LUZP2: variants seen among roughly 807,000 people sequenced by gnomAD.
LUZP2 encodes the protein leucine zipper protein 2.
Under a neutral mutation model 51.6 loss-of-function variants are expected in LUZP2, and 52 were observed. The observed-to-expected ratio is 1.01, with a 90% confidence interval of 0.81 to 1.27. The LOEUF is 1.27. Ranked by LOEUF, LUZP2 falls within the 50% of genes most tolerant of loss-of-function variation. LUZP2 has a pLI of 0.00. For synonymous variants in LUZP2, 154 were observed against 137.3 expected (o/e 1.12, Z -0.85); for missense variants, 436 against 395.4 (o/e 1.10, Z -0.87).
intron 7 of LUZP2, among the ~76,000 whole-genome samples, chr11:24,918,011 T>A (rs1313905792): frequency 6.6e-6 from 1 of 152,066 alleles, no homozygotes; most frequent in Non-Finnish European, 1.5e-5. Context: ...TTTATTTCGT[T>A]GAGCAGTGGT....
chr11:24,948,659 A>C (rs1854970526), intron 7 of LUZP2, among the ~76,000 whole-genome samples: 1 of 151,714 alleles, frequency 6.6e-6, no homozygotes, highest in African/African-American at 2.4e-5. Context: ...AGACAGTATA[A>C]CTCATGGGTT....
chr11:24,856,020 A>T (rs1851554550), intron 5 of LUZP2, among the ~76,000 whole-genome samples: 1 of 152,162 alleles, frequency 6.6e-6, no homozygotes, highest in African/African-American at 2.4e-5. Flanking sequence ...GAAATCCAGG[A>T]AAACTCCTTT....
intron 7 of LUZP2, among the ~76,000 whole-genome samples, chr11:24,927,649 G>A (rs1309047799): frequency 6.6e-6 from 1 of 152,078 alleles, no homozygotes; most frequent in Non-Finnish European, 1.5e-5. Context: ...TGGCCTTAGA[G>A]TATAGTTTGA....
At position 24,666,831 on chromosome 11, in the gene LUZP2, C is replaced by T. The variant is rs77867293; in HGVS notation, c.63-62338C>T. ...ATGAAGGATTGTTTTAGCCCAAAAC[C>T]CAAAACTAAAGAAAAACCAGGATCT... On this transcript the variant is annotated intron_variant, in intron 1 of 11. Coordinates refer to ENST00000336930, the MANE Select transcript of LUZP2 (RefSeq NM_001009909.4). Among the ~76,000 whole-genome samples, 1,325 of 152,090 alleles carry T rather than the reference C, an allele frequency of 8.7e-3. 16 individuals are homozygous for T. Among genetic ancestry groups the T allele is most frequent in the African/African-American group, 0.03 (1,243 of 41,484 alleles).
chr11:24,602,206 G>GTGTATA (rs1853723059), intron 1 of LUZP2, among the ~76,000 whole-genome samples: 2 of 67,704 alleles, frequency 3.0e-5, no homozygotes, highest in Non-Finnish European at 5.7e-5. Context: ...GTACATATAT[G>GTGTATA]TGTATATATG....
intron 5 of LUZP2, among the ~76,000 whole-genome samples, chr11:24,806,908 CAA>C (rs140016582): frequency 2.4e-5 from 3 of 126,756 alleles, no homozygotes; most frequent in Non-Finnish European, 5.1e-5. Context: ...TAGGGGATGA[CAA>C]AAAAAAAATC....
chr11:24,924,720 G>A (rs1854175010), intron 7 of LUZP2, among the ~76,000 whole-genome samples: 1 of 152,144 alleles, frequency 6.6e-6, no homozygotes, highest in South Asian at 2.1e-4. Flanking sequence ...ATACATACAT[G>A]TAAGATGTTC....
chr11:24,997,820 T>A lies in LUZP2; in HGVS notation c.765+14527T>A, dbSNP rs964782658. ...TATAAGGTGTAAGGAAGGGATCCAG[T>A]TTTAGCTTTCTACATATGGCTAGCC... On this transcript the variant is annotated intron_variant, in intron 9 of 11. Coordinates refer to ENST00000336930, the MANE Select transcript of LUZP2 (RefSeq NM_001009909.4). 2.4e-4 allele frequency among the ~76,000 whole-genome samples: 37 copies of A among 152,270 alleles called. 2 individuals are homozygous for A. The highest frequency in any genetic ancestry group is 3.4e-3 in the Middle Eastern group (1 of 294).
chr11:24,653,516 C>T (rs543775939), intron 1 of LUZP2, among the ~76,000 whole-genome samples: 19 of 152,108 alleles, frequency 1.2e-4, no homozygotes, highest in African/African-American at 2.2e-4. Context: ...TATATAAGTC[C>T]GAATTCAGTG....
chr11:25,070,882 C>A (rs951578741), intron 10 of LUZP2, among the ~76,000 whole-genome samples: 2 of 151,070 alleles, frequency 1.3e-5, no homozygotes, highest in Non-Finnish European at 3.0e-5. Flanking sequence ...GCCCTTCAAA[C>A]TTTCCTATTG....
At chr11:24,739,879 C>T (rs571396552) in intron 4 of LUZP2, among the ~76,000 whole-genome samples, 2 of 152,198 alleles carry the variant, frequency 1.3e-5, no homozygotes, top group South Asian at 2.1e-4. Context: ...CATTGCTATG[C>T]CACGGCAACT....
intron 1 of LUZP2, among the ~76,000 whole-genome samples, chr11:24,602,000 A>ATATATG (rs1565019978): frequency 2.5e-4 from 16 of 62,846 alleles, no homozygotes; most frequent in African/African-American, 1.4e-3. Flanking sequence ...GTATATATGT[A>ATATATG]TATATATGTA....
chr11:24,958,180 C>G (rs1855268507), intron 7 of LUZP2, among the ~76,000 whole-genome samples: 1 of 152,114 alleles, frequency 6.6e-6, no homozygotes, highest in African/African-American at 2.4e-5. Context: ...GGTTCCAAGT[C>G]TTTGCTATTG....
intron 1 of LUZP2, among the ~76,000 whole-genome samples, chr11:24,523,445 T>G (rs1411027492): frequency 1.3e-5 from 2 of 151,524 alleles, no homozygotes; most frequent in Admixed American, 1.3e-4. Flanking sequence ...TTATGTTTAG[T>G]GAATAAACTA....
intron 1 of LUZP2, among the ~76,000 whole-genome samples, chr11:24,670,574 T>TC (rs1856372712): frequency 6.6e-6 from 1 of 152,028 alleles, no homozygotes; most frequent in South Asian, 2.1e-4. Flanking sequence ...ATAGGCTGTT[T>TC]TTTTGAAAAC....
At chr11:24,655,194 T>C (rs1471353424) in intron 1 of LUZP2, among the ~76,000 whole-genome samples, 2 of 152,190 alleles carry the variant, frequency 1.3e-5, no homozygotes, top group African/African-American at 2.4e-5. Context: ...TTTGGGCTTA[T>C]TTGTGCCAAC....
At chr11:24,857,772 C>T (rs1234388417) in intron 5 of LUZP2, among the ~76,000 whole-genome samples, 2 of 151,954 alleles carry the variant, frequency 1.3e-5, no homozygotes, top group African/African-American at 2.4e-5. Context: ...TTCCAGCCAC[C>T]TCCACCCCTG....
chr11:25,013,305 G>A (rs147423334), intron 9 of LUZP2, among the ~76,000 whole-genome samples: 15 of 152,244 alleles, frequency 9.9e-5, no homozygotes, highest in African/African-American at 3.6e-4. Flanking sequence ...ATGTTTAACA[G>A]CAGAGTAGAG....
intron 5 of LUZP2, among the ~76,000 whole-genome samples, chr11:24,889,259 G>C (rs1225741117): frequency 2.0e-5 from 3 of 152,088 alleles, no homozygotes; most frequent in African/African-American, 7.2e-5. Context: ...TGTGGGTGGG[G>C]GGCAAAAATA....
Sources: gnomAD v4.1 joint callset for allele counts (sites outside exome capture counted in the v4.1 genomes callset) on GRCh38, gnomAD v4.1.1 for gene constraint, MANE v1.5 for transcripts, NCBI Gene and HGNC (gene_info 2026-07-23, HGNC 2026-07-21) for gene names.